CPEB4: variants seen among roughly 807,000 people sequenced by gnomAD.
CPEB4 encodes cytoplasmic polyadenylation element-binding protein 4.
Under a neutral mutation model 72.5 loss-of-function variants are expected in CPEB4, and 12 were observed. That is an observed-to-expected ratio of 0.17 (90% CI 0.11 to 0.27). The LOEUF is 0.27. CPEB4 is among the 10% of genes least tolerant of loss of function. The probability of loss-of-function intolerance (pLI) is 1.00; values close to 1 mark genes in which losing one functional copy is unlikely to be tolerated. For synonymous variants in CPEB4, 302 were observed against 326.3 expected (o/e 0.93, Z 0.80); for missense variants, 614 against 908.5 (o/e 0.68, Z 4.17).
At chr5:173,890,908 G>A in intron 1 of CPEB4, 50 bp downstream of exon 1, 1 of 1,522,538 alleles carries the variant, frequency 6.6e-7, no homozygotes, top group Non-Finnish European at 8.9e-7. Context: ...AAATAGCATG[G>A]TGTAATATCT....
chr5:173,905,019 A>AATAATAATAAT (rs1561608981), intron 1 of CPEB4, among the ~76,000 whole-genome samples: 3 of 40,796 alleles, frequency 7.4e-5, no homozygotes, highest in Admixed American at 1.7e-4. Flanking sequence ...ATAATAATAA[A>AATAATAATAAT]AAAATGTAAC....
rs1189713198 is a variant in CPEB4 at position 173,959,882 on chromosome 5, TA to T, written c.*3746del. 1 of 152,612 alleles carries T rather than the reference TA, an allele frequency of 6.6e-6. No individual in the cohort carries two copies. The highest frequency in any genetic ancestry group is 6.5e-5 in the Admixed American group (1 of 15,276). 9.5% of individuals were successfully genotyped at this position (152,612 alleles called of 1,614,324 possible). A position where few individuals can be genotyped will look rare whatever the true frequency, so the allele number is the denominator to read the frequency against. On this transcript the variant is annotated 3_prime_UTR_variant, in exon 10 of 10. Coordinates refer to ENST00000265085, the MANE Select transcript of CPEB4 (RefSeq NM_030627.4). Reference sequence around the variant, plus strand: ...TATAATTTTCATCAGATTTTTGTTATATTTTTTGGAAGTGAAACTTTTAGCA... The same window carrying T: ...TATAATTTTCATCAGATTTTTGTTATTTTTTTGGAAGTGAAACTTTTAGCA...
At chr5:173,936,411 C>T (rs934035886) in intron 3 of CPEB4, among the ~76,000 whole-genome samples, 7 of 152,166 alleles carry the variant, frequency 4.6e-5, no homozygotes, top group African/African-American at 1.7e-4. Context: ...CTCATTTAAC[C>T]TTAATTACCT....
Position 173,902,775 on chromosome 5 carries a change from T to C in CPEB4, c.1126-7748T>C, listed in dbSNP as rs569489938. On this transcript the variant is annotated intron_variant, in intron 1 of 9. Transcript: ENST00000265085. ...CTGACAAATTTTACAAGAAAATTCA[T>C]AGATGTTTAACAAACAGCAGTTACT... is the stretch of plus-strand genomic sequence containing the variant. 3.9e-5 allele frequency among the ~76,000 whole-genome samples: 6 copies of C among 152,348 alleles called. No individual in the cohort carries two copies. The South Asian group carries it at 1.0e-3, about 26-fold the overall frequency.
chr5:173,910,316 A>C (rs1756605534), intron 1 of CPEB4, among the ~76,000 whole-genome samples: 1 of 152,188 alleles, frequency 6.6e-6, no homozygotes, highest in Admixed American at 6.5e-5. Flanking sequence ...TATTGTTAGA[A>C]GTCAAATCAC....
intron 2 of CPEB4, 34 bp from the exon 3 acceptor site, chr5:173,932,416 A>G: frequency 6.3e-7 from 1 of 1,578,674 alleles, no homozygotes; most frequent in South Asian, 1.1e-5. Flanking sequence ...CTATGAAAAA[A>G]GTAAACTTAG....
intron 2 of CPEB4, among the ~76,000 whole-genome samples, chr5:173,926,668 T>C (rs540870850): frequency 2.6e-5 from 4 of 152,368 alleles, no homozygotes; most frequent in Admixed American, 6.5e-5. Flanking sequence ...CCTGTCATAA[T>C]GTTCCTTAAG....
Position 173,890,316 on chromosome 5 carries a change from G to C in CPEB4, c.583G>C (p.Val195Leu). The C allele has an allele frequency of 4.3e-6, 7 of 1,614,094 alleles. No homozygotes were observed. Among genetic ancestry groups the C allele is most frequent in the Non-Finnish European group, 5.9e-6 (7 of 1,180,002 alleles). Residue 195 changes from valine (V) to leucine (L), a missense_variant, in exon 1 of 10, where the codon GTC becomes CTC. Val to Leu is a conservative substitution (Grantham distance 32). This residue lies in a region of CPEB4 where 458 missense variants were observed against 548.6 expected (regional missense o/e 0.83). Coordinates refer to ENST00000265085, the MANE Select transcript of CPEB4 (RefSeq NM_030627.4). ...TGCAAGTTTCTTTCACCAGGGAGGG[G>C]TCCCTGCTGCTTCGGCTAATAACGG... ...EDASFFHQGG[V>L]PAASANNGAL...
chr5:173,950,201 A>G lies in CPEB4; in HGVS notation c.1665+123A>G. ...TAATTGACATGTTTGTAAGCAGACTAAGTAGTCTTGTTGTGAAGTTCTTAA... is the reference window on the plus strand; with the variant it reads ...TAATTGACATGTTTGTAAGCAGACTGAGTAGTCTTGTTGTGAAGTTCTTAA... On this transcript the variant is annotated intron_variant, in intron 7 of 9. Coordinates refer to ENST00000265085, the MANE Select transcript of CPEB4 (RefSeq NM_030627.4). The surrounding 1 kb of genome is among the most constrained non-coding windows in gnomAD (Gnocchi z 5.0). The G allele has an allele frequency of 1.7e-6, 1 of 580,978 alleles. No individual in the cohort carries two copies. Among genetic ancestry groups the G allele is most frequent in the Non-Finnish European group, 3.0e-6 (1 of 332,320 alleles). 36.0% of individuals were successfully genotyped at this position (580,978 alleles called of 1,614,324 possible). A position where few individuals can be genotyped will look rare whatever the true frequency, so the allele number is the denominator to read the frequency against.
intron 7 of CPEB4, among the ~76,000 whole-genome samples, chr5:173,951,270 T>A (rs1274354988): frequency 2.6e-5 from 4 of 152,186 alleles, no homozygotes; most frequent in African/African-American, 4.8e-5. Flanking sequence ...AGGTACATGA[T>A]TCTTGATTGA....
At chr5:173,928,480 T>C (rs1490487361) in intron 2 of CPEB4, among the ~76,000 whole-genome samples, 1 of 152,230 alleles carries the variant, frequency 6.6e-6, no homozygotes, top group Non-Finnish European at 1.5e-5. Flanking sequence ...ATGACGTTTA[T>C]ATATTTATTT....
intron 2 of CPEB4, among the ~76,000 whole-genome samples, chr5:173,911,286 T>TG (rs1756648714): frequency 6.6e-6 from 1 of 151,880 alleles, no homozygotes; most frequent in Non-Finnish European, 1.5e-5. Context: ...TTTATTTTTT[T>TG]TTGAGACGGA....
Position 173,911,309 on chromosome 5 carries a change from C to T in CPEB4, c.1207+705C>T, listed in dbSNP as rs528209365. On this transcript the variant is annotated intron_variant, in intron 2 of 9. Coordinates refer to ENST00000265085, the MANE Select transcript of CPEB4 (RefSeq NM_030627.4). ...TTTTTGAGACGGAGTCTTGCCCTGT[C>T]GCCAGGCTGGAGTGCAGTGGCGTGA... 1.5e-4 allele frequency among the ~76,000 whole-genome samples: 22 copies of T among 150,256 alleles called. No individual in the cohort carries two copies. The East Asian group carries it at 3.3e-3, about 23-fold the overall frequency.
chr5:173,936,483 C>T (rs1214214671), intron 3 of CPEB4, among the ~76,000 whole-genome samples: 1 of 152,060 alleles, frequency 6.6e-6, no homozygotes, highest in Non-Finnish European at 1.5e-5. Flanking sequence ...AGGACTTCAA[C>T]ATATGAATTT....
chr5:173,933,487 CTAAA>C (rs775765686), intron 3 of CPEB4, among the ~76,000 whole-genome samples: 16 of 152,100 alleles, frequency 1.1e-4, no homozygotes, highest in Admixed American at 5.9e-4. Context: ...CTTCTAGAGA[CTAAA>C]TAGTTTATAA....
intron 3 of CPEB4, among the ~76,000 whole-genome samples, chr5:173,933,936 A>G (rs1398624098): frequency 6.6e-6 from 1 of 152,194 alleles, no homozygotes; most frequent in African/African-American, 2.4e-5. Context: ...TAATCCCAGC[A>G]CTTTGGGAGA....
chr5:173,922,470 A>G (rs145597924), intron 2 of CPEB4, among the ~76,000 whole-genome samples: 275 of 152,270 alleles, frequency 1.8e-3, no homozygotes, highest in African/African-American at 6.3e-3. Flanking sequence ...GGCTCAAGCA[A>G]TTCACCTGCC....
At chr5:173,934,374 A>G (rs771493425) in intron 3 of CPEB4, among the ~76,000 whole-genome samples, 40 of 152,150 alleles carry the variant, frequency 2.6e-4, no homozygotes, top group Non-Finnish European at 5.4e-4. Flanking sequence ...ATAGTTTTTA[A>G]TGTTGTATAC....
At chr5:173,920,105 A>G (rs1561617041) in intron 2 of CPEB4, among the ~76,000 whole-genome samples, 1 of 152,230 alleles carries the variant, frequency 6.6e-6, no homozygotes, top group Non-Finnish European at 1.5e-5. Flanking sequence ...TATTTTATCT[A>G]ATTGACTGAT....
Sources: gnomAD v4.1 joint callset for allele counts (sites outside exome capture counted in the v4.1 genomes callset) on GRCh38, gnomAD v4.1.1 for gene constraint, gnomAD v4.1.1 regional missense constraint, Gnocchi (gnomAD v3.1) non-coding constraint, MANE v1.5 for transcripts, NCBI Gene and HGNC (gene_info 2026-07-23, HGNC 2026-07-21) for gene names.